Variants in PDS5B observed in about 807,000 individuals in gnomAD.
PDS5B encodes the protein PDS5 cohesin associated factor B.
In PDS5B, 51 loss-of-function variants were observed where a neutral mutation model predicts 184.1. The ratio of observed to expected loss-of-function variants is 0.28; its 90% confidence interval spans 0.22 to 0.35. PDS5B has a LOEUF of 0.35. Ranked by LOEUF, PDS5B falls within the 10% of genes least tolerant of loss-of-function variation. PDS5B has a pLI of 1.00. For synonymous variants in PDS5B, 566 were observed against 569.2 expected, an observed-to-expected ratio of 0.99 and a Z score of 0.08; for missense variants, 1,180 against 1,723.3, an observed-to-expected ratio of 0.68 and a Z score of 5.58.
chr13:32,641,094 T>A (rs1950075569), intron 1 of PDS5B, among the ~76,000 whole-genome samples: 1 of 151,766 alleles, frequency 6.6e-6, no homozygotes, highest in East Asian at 1.9e-4. Flanking sequence ...TTCTGTAATA[T>A]ACTATAGTTT....
At chr13:32,772,621 G>A (rs1201246311) in intron 33 of PDS5B, among the ~76,000 whole-genome samples, 1 of 152,132 alleles carries the variant, frequency 6.6e-6, no homozygotes, top group Non-Finnish European at 1.5e-5. Flanking sequence ...TGGACAGGTA[G>A]GCAAGGACCA....
intron 1 of PDS5B, among the ~76,000 whole-genome samples, chr13:32,622,833 T>G (rs772640733): frequency 2.6e-5 from 4 of 152,240 alleles, no homozygotes; most frequent in Non-Finnish European, 5.9e-5. Context: ...TAGGTGCCTG[T>G]TACAACCCAT....
chr13:32,670,458 G>A (rs1378256666), intron 7 of PDS5B, among the ~76,000 whole-genome samples: 1 of 152,136 alleles, frequency 6.6e-6, no homozygotes, highest in Non-Finnish European at 1.5e-5. Context: ...GAATTGCTGA[G>A]CTCAAGCAGT....
chr13:32,687,530 A>G (rs918258172), intron 12 of PDS5B, among the ~76,000 whole-genome samples: 2 of 152,182 alleles, frequency 1.3e-5, no homozygotes, highest in Non-Finnish European at 2.9e-5. Flanking sequence ...GAACAGTCAT[A>G]TCTAAAAATA....
At chr13:32,629,311 A>T (rs373148236) in intron 1 of PDS5B, among the ~76,000 whole-genome samples, 1 of 151,738 alleles carries the variant, frequency 6.6e-6, no homozygotes, top group East Asian at 1.9e-4. Flanking sequence ...AGACATTGAG[A>T]TCACTGGCTT....
At chr13:32,608,883 A>G (rs865889551) in intron 1 of PDS5B, among the ~76,000 whole-genome samples, 5 of 152,212 alleles carry the variant, frequency 3.3e-5, no homozygotes, top group African/African-American at 1.2e-4. Context: ...GAAAGTGGCA[A>G]TGCTTATCTT....
chr13:32,644,108 G>A (rs1950164889), intron 1 of PDS5B, among the ~76,000 whole-genome samples: 1 of 152,026 alleles, frequency 6.6e-6, no homozygotes, highest in South Asian at 2.1e-4. Context: ...TCATTTCTTT[G>A]TTTCTGATCT....
chr13:32,685,946 C>T (rs1009326013), intron 11 of PDS5B, among the ~76,000 whole-genome samples: 3 of 152,094 alleles, frequency 2.0e-5, no homozygotes, highest in African/African-American at 7.2e-5. Flanking sequence ...GGCCTGAAAT[C>T]TTATAAGACC....
chr13:32,712,881 A>G (rs947216041), intron 19 of PDS5B, among the ~76,000 whole-genome samples: 1 of 152,192 alleles, frequency 6.6e-6, no homozygotes, highest in Non-Finnish European at 1.5e-5. Flanking sequence ...ATATCTTTTT[A>G]CCAACTTTAC....
intron 20 of PDS5B, among the ~76,000 whole-genome samples, chr13:32,734,050 T>G (rs930915772): frequency 3.3e-5 from 5 of 149,990 alleles, no homozygotes; most frequent in African/African-American, 7.5e-5. Context: ...TTTTCTGAGA[T>G]AGAGTCTTGC....
intron 1 of PDS5B, among the ~76,000 whole-genome samples, chr13:32,619,979 A>G (rs2140532080): frequency 6.6e-6 from 1 of 152,072 alleles, no homozygotes; most frequent in African/African-American, 2.4e-5. Context: ...TTATATTTTT[A>G]GTAGAGACAG....
intron 24 of PDS5B, among the ~76,000 whole-genome samples, chr13:32,746,718 A>G (rs926088733): frequency 6.6e-6 from 1 of 152,232 alleles, no homozygotes; most frequent in African/African-American, 2.4e-5. Context: ...ATAGACCTCA[A>G]AAAGGACACT....
chr13:32,697,890 A>G (rs917177428), intron 15 of PDS5B, among the ~76,000 whole-genome samples: 9 of 152,008 alleles, frequency 5.9e-5, no homozygotes, highest in Non-Finnish European at 8.8e-5. Flanking sequence ...TAAAAAATAT[A>G]TTTTTTAAGA....
intron 17 of PDS5B, 81 bp from the exon 18 acceptor site, chr13:32,706,853 C>A: frequency 1.3e-6 from 1 of 766,166 alleles, no homozygotes; most frequent in Non-Finnish European, 2.2e-6. Flanking sequence ...TATGTATGTG[C>A]ACATATATGT....
chr13:32,727,219 A>G (rs1952934562), intron 19 of PDS5B, among the ~76,000 whole-genome samples: 1 of 152,180 alleles, frequency 6.6e-6, no homozygotes, highest in African/African-American at 2.4e-5. Flanking sequence ...CTAATGTGTA[A>G]AAGCTTTACA....
chr13:32,650,524 A>T, intron 2 of PDS5B: 1 of 152,288 alleles, frequency 6.6e-6, no homozygotes, highest in East Asian at 1.9e-4. Context: ...TTAATCTCTT[A>T]TCTTTTGTTA....
rs140257979 is a variant in PDS5B at position 32,588,614 on chromosome 13, T to C, written c.-20+2021T>C. Among the ~76,000 whole-genome samples the C allele has an allele frequency of 4.0e-3, 607 of 152,350 alleles. 5 individuals are homozygous for C. The highest frequency in any genetic ancestry group is 0.014 in the African/African-American group (581 of 41,580). On this transcript the variant is annotated intron_variant, in intron 1 of 34. Transcript: ENST00000315596. The stretch of plus-strand genomic sequence containing the variant: ...ATTTTCCCTATATTAACTTTTCTTT[T>C]ACAGCAGCTTTTGTTACTCTTGTAG...
At chr13:32,642,617 TAAG>T (rs1332697229) in intron 1 of PDS5B, among the ~76,000 whole-genome samples, 1 of 152,174 alleles carries the variant, frequency 6.6e-6, no homozygotes, top group African/African-American at 2.4e-5. Context: ...ATGCTGTTCA[TAAG>T]ACTGAAGTGC....
intron 1 of PDS5B, among the ~76,000 whole-genome samples, chr13:32,605,811 T>C (rs1430809491): frequency 2.0e-5 from 3 of 152,170 alleles, no homozygotes; most frequent in African/African-American, 4.8e-5. Context: ...TCGATCCCTT[T>C]ACCATTATTT....
Sources: gnomAD v4.1 joint callset for allele counts (sites outside exome capture counted in the v4.1 genomes callset) on GRCh38, gnomAD v4.1.1 for gene constraint, MANE v1.5 for transcripts, NCBI Gene and HGNC (gene_info 2026-07-23, HGNC 2026-07-21) for gene names.